FRAS1: variants seen among roughly 807,000 people sequenced by gnomAD.
The protein encoded by FRAS1 is extracellular matrix organizing protein FRAS1.
Under a neutral mutation model 435.2 loss-of-function variants are expected in FRAS1, and 290 were observed. The ratio of observed to expected loss-of-function variants is 0.67; its 90% confidence interval spans 0.61 to 0.73. FRAS1 has a LOEUF of 0.73. FRAS1 is among the 30% of genes least tolerant of loss of function. FRAS1 has a pLI of 0.00. For missense variants in FRAS1, 4,860 were observed against 5,001.5 expected, an observed-to-expected ratio of 0.97 and a Z score of 0.85; for synonymous variants, 1,800 against 1,851.0, an observed-to-expected ratio of 0.97 and a Z score of 0.71.
At chr4:78,540,493 G>A in intron 73 of FRAS1, 38 bp from the exon 74 acceptor site, 1 of 1,365,276 alleles carries the variant, frequency 7.3e-7, no homozygotes, top group Non-Finnish European at 9.9e-7. Context: ...GAGGTGGTCT[G>A]TGGGCAACAA....
chr4:78,113,110 G>A (rs1294857985), intron 2 of FRAS1, among the ~76,000 whole-genome samples: 1 of 152,140 alleles, frequency 6.6e-6, no homozygotes, highest in East Asian at 1.9e-4. Flanking sequence ...AGTTTGCTGA[G>A]AATGATGGTT....
intron 2 of FRAS1, chr4:78,182,000 C>T: frequency 1.2e-5 from 18 of 1,561,028 alleles, no homozygotes; most frequent in East Asian, 4.5e-5. Flanking sequence ...CTGGTCGAAT[C>T]GGTTGGTGAC....
intron 2 of FRAS1, among the ~76,000 whole-genome samples, chr4:78,158,628 G>A (rs923876528): frequency 4.6e-5 from 7 of 152,122 alleles, no homozygotes; most frequent in Non-Finnish European, 8.8e-5. Context: ...CAGTCAAGAA[G>A]CAAAATATTT....
chr4:78,197,456 G>A (rs1722864639), intron 2 of FRAS1, among the ~76,000 whole-genome samples: 1 of 152,082 alleles, frequency 6.6e-6, no homozygotes, highest in Non-Finnish European at 1.5e-5. Context: ...ATTTCTCTGA[G>A]GGAGACTAGA....
At chr4:78,479,331 G>A (rs747883489) in intron 55 of FRAS1, 43 bp from the exon 56 acceptor site, 8 of 1,305,862 alleles carry the variant, frequency 6.1e-6, no homozygotes, top group East Asian at 5.0e-5. Flanking sequence ...AATCTGAGAA[G>A]CACTCATTCA....
chr4:78,397,700 C>T (rs776213189), intron 29 of FRAS1, among the ~76,000 whole-genome samples: 7 of 152,136 alleles, frequency 4.6e-5, no homozygotes, highest in Non-Finnish European at 7.3e-5. Flanking sequence ...GCTTCTCTTC[C>T]CTGTTCCTTA....
At chr4:78,380,985 C>T (rs1417299210) in intron 27 of FRAS1, among the ~76,000 whole-genome samples, 3 of 152,154 alleles carry the variant, frequency 2.0e-5, no homozygotes, top group Non-Finnish European at 4.4e-5. Flanking sequence ...TTTACATGAA[C>T]TATGTATCTC....
chr4:78,439,176 A>G (rs1354239379), intron 40 of FRAS1, 112 bp downstream of exon 40: 3 of 880,424 alleles, frequency 3.4e-6, no homozygotes, highest in Non-Finnish European at 3.5e-6. Flanking sequence ...CCCCCAAAAT[A>G]TCCAGGCAGC....
chr4:78,303,859 C>A (rs1162244088), intron 14 of FRAS1, among the ~76,000 whole-genome samples: 6 of 148,918 alleles, frequency 4.0e-5, no homozygotes, highest in Non-Finnish European at 9.0e-5. Flanking sequence ...CCTTCTCCTG[C>A]CTAATTGCCC....
At chr4:78,093,688 C>T (rs560418651) in intron 2 of FRAS1, among the ~76,000 whole-genome samples, 2 of 152,214 alleles carry the variant, frequency 1.3e-5, no homozygotes, top group Admixed American at 6.5e-5. Flanking sequence ...ATTAACTTTT[C>T]TAGCAGAAAA....
At chr4:78,457,818 A>T (rs1462808481) in intron 47 of FRAS1, among the ~76,000 whole-genome samples, 1 of 152,166 alleles carries the variant, frequency 6.6e-6, no homozygotes, top group African/African-American at 2.4e-5. Context: ...TTCTTGAAGG[A>T]GCTAAATTAA....
intron 34 of FRAS1, 47 bp from the exon 35 acceptor site, chr4:78,424,341 T>C (rs879808468): frequency 3.7e-6 from 4 of 1,093,620 alleles, no homozygotes; most frequent in East Asian, 2.9e-5. Flanking sequence ...TATCTCTCTC[T>C]GATCCCAAAG....
In FRAS1 at chr4:78,167,280, G is replaced by A. The variant is rs1013760509; in HGVS notation, c.109-70230G>A. Among the ~76,000 whole-genome samples the A allele has an allele frequency of 2.6e-5, 4 of 152,200 alleles. No homozygotes were observed. The East Asian group carries it at 7.7e-4, about 29-fold the overall frequency. On this transcript the variant is annotated intron_variant, in intron 2 of 73. Coordinates refer to ENST00000512123, the MANE Select transcript of FRAS1 (RefSeq NM_025074.7). ...TGCTGAAGCTAGAGAGGAATAAAAC[G>A]ATTCCTACTTCTGGGAGCTCACAGT...
intron 2 of FRAS1, among the ~76,000 whole-genome samples, chr4:78,119,717 C>T (rs561916277): frequency 4.3e-4 from 66 of 152,282 alleles, no homozygotes; most frequent in African/African-American, 7.7e-4. Flanking sequence ...AACTCTGCCA[C>T]GTAACACAGT....
At chr4:78,410,582 A>G (rs1733292365) in intron 31 of FRAS1, among the ~76,000 whole-genome samples, 1 of 152,190 alleles carries the variant, frequency 6.6e-6, no homozygotes, top group African/African-American at 2.4e-5. Flanking sequence ...AATTGCCTTC[A>G]AAGTGAGATA....
intron 2 of FRAS1, among the ~76,000 whole-genome samples, chr4:78,185,909 C>T (rs1722248968): frequency 6.6e-6 from 1 of 152,158 alleles, no homozygotes. Flanking sequence ...TTTTGTGGTT[C>T]TTTTTGAGGC....
intron 15 of FRAS1, among the ~76,000 whole-genome samples, chr4:78,313,319 T>C (rs1487881995): frequency 6.6e-6 from 1 of 152,216 alleles, no homozygotes; most frequent in Non-Finnish European, 1.5e-5. Flanking sequence ...CACATTTGCC[T>C]GTGAACAGAT....
At chr4:78,234,861 A>G (rs1724682400) in intron 2 of FRAS1, among the ~76,000 whole-genome samples, 1 of 152,234 alleles carries the variant, frequency 6.6e-6, no homozygotes, top group African/African-American at 2.4e-5. Flanking sequence ...ATATCCATGT[A>G]AATCTACACC....
rs1578171151 is a variant in FRAS1, at chr4:78,181,983, C to G, written c.109-55527C>G. ...ACCTCGAAGGGGTCCGATTCGTCGT[C>G]AAATAACTGGTCGAATCGGTTGGTG... On this transcript the variant is annotated intron_variant, in intron 2 of 73. Transcript: ENST00000512123. 3.2e-6 allele frequency: 5 copies of G among 1,580,398 alleles called. No individual in the cohort carries two copies. In the African/African-American group the frequency reaches 5.5e-5, roughly 17 times the overall value.
Sources: allele counts gnomAD v4.1 joint callset (sites outside exome capture counted in the v4.1 genomes callset), GRCh38; gene constraint gnomAD v4.1.1; transcripts MANE v1.5; gene names NCBI Gene and HGNC (gene_info 2026-07-23, HGNC 2026-07-21).